The following SEM1 variants were observed in gnomAD, a reference collection of about 807,000 sequenced individuals.
The protein encoded by SEM1 is 26S proteasome complex subunit SEM1.
A neutral mutation model predicts 12.7 loss-of-function variants in SEM1; 3 were observed. The ratio of observed to expected loss-of-function variants is 0.24; its 90% CI spans 0.11 to 0.61. SEM1 has a LOEUF of 0.61. Ranked by LOEUF, SEM1 falls within the 20% of genes least tolerant of loss-of-function variation. The probability of loss-of-function intolerance (pLI) is 0.88; values close to 1 mark genes in which losing one functional copy is unlikely to be tolerated. For missense variants in SEM1, 59 were observed against 81.3 expected (o/e 0.73, Z 1.06); for synonymous variants, 30 against 27.8 (o/e 1.08, Z -0.25).
chr7:96,656,974 T>C (rs1398305231), intron 2 of SEM1, among the ~76,000 whole-genome samples: 1 of 152,086 alleles, frequency 6.6e-6, no homozygotes, highest in Non-Finnish European at 1.5e-5. Context: ...AAATGTGCAG[T>C]CTATAGTATA....
chr7:96,516,982 A>C (rs998855250), intron 2 of SEM1, among the ~76,000 whole-genome samples: 1 of 152,192 alleles, frequency 6.6e-6, no homozygotes, highest in Non-Finnish European at 1.5e-5. Context: ...AAAAGCCTAC[A>C]TACTGTATGA....
At chr7:96,673,986 C>A in intron 2 of SEM1, 1 of 630,128 alleles carries the variant, frequency 1.6e-6, no homozygotes. Context: ...CAGTCCCATC[C>A]CCATCTCTAC....
chr7:96,507,084 G>A (rs1423047406), intron 2 of SEM1, among the ~76,000 whole-genome samples: 1 of 151,918 alleles, frequency 6.6e-6, no homozygotes, highest in Non-Finnish European at 1.5e-5. Flanking sequence ...AAAGACAACA[G>A]AAAAAGTATG....
At chr7:96,678,091 C>A (rs1405584427) in intron 2 of SEM1, among the ~76,000 whole-genome samples, 1 of 152,090 alleles carries the variant, frequency 6.6e-6, no homozygotes, top group Non-Finnish European at 1.5e-5. Flanking sequence ...TGTTCTCATC[C>A]TTTCTTTATG....
At chr7:96,557,922 G>T (rs1289960216) in intron 2 of SEM1, among the ~76,000 whole-genome samples, 1 of 152,186 alleles carries the variant, frequency 6.6e-6, no homozygotes, top group Non-Finnish European at 1.5e-5. Flanking sequence ...CGTTGGAAAA[G>T]GGCAGTATTC....
intron 2 of SEM1, among the ~76,000 whole-genome samples, chr7:96,556,551 G>A (rs1019960737): frequency 1.8e-4 from 28 of 152,048 alleles, no homozygotes; most frequent in Admixed American, 5.2e-4. Context: ...GGTTTCTGCC[G>A]AGAAATCCGC....
intron 2 of SEM1, among the ~76,000 whole-genome samples, chr7:96,592,591 C>T (rs1017206686): frequency 2.0e-5 from 3 of 151,514 alleles, no homozygotes; most frequent in African/African-American, 4.9e-5. Context: ...TGCTGTCTTC[C>T]GTTGGAGAAC....
intron 2 of SEM1, among the ~76,000 whole-genome samples, chr7:96,627,764 G>A (rs568830549): frequency 3.3e-5 from 5 of 152,160 alleles, no homozygotes; most frequent in East Asian, 1.9e-4. Flanking sequence ...TGAAATGTTC[G>A]TAAATATCTA....
At chr7:96,647,243 A>G (rs1405664321) in intron 2 of SEM1, among the ~76,000 whole-genome samples, 1 of 152,188 alleles carries the variant, frequency 6.6e-6, no homozygotes, top group African/African-American at 2.4e-5. Context: ...TACAGGACTC[A>G]GGGTCTGGAG....
At chr7:96,506,145 T>A (rs1303597925) in intron 3 of SEM1, among the ~76,000 whole-genome samples, 1 of 152,078 alleles carries the variant, frequency 6.6e-6, no homozygotes, top group Non-Finnish European at 1.5e-5. Context: ...ACCATAGAAG[T>A]CTTTTGATAG....
At chr7:96,539,656 G>A (rs759592165) in intron 2 of SEM1, among the ~76,000 whole-genome samples, 2 of 151,618 alleles carry the variant, frequency 1.3e-5, no homozygotes, top group Non-Finnish European at 2.9e-5. Flanking sequence ...TTAAAATAAT[G>A]TGTTGAAAAG....
rs149069106 is a variant in SEM1 at position 96,484,559 on chromosome 7, A to T, written c.257+266T>A. Among the ~76,000 whole-genome samples, 410 of 152,308 alleles carry T rather than the reference A, an allele frequency of 2.7e-3. 2 individuals carry two copies. Among genetic ancestry groups the T allele is most frequent in the African/African-American group, 9.6e-3 (401 of 41,568 alleles). ...GGATTTGAATTATCTGTGTGTGTATAAACCTTGTTGATTCAGACTCCACTG... is the reference window on the plus strand; with the variant it reads ...GGATTTGAATTATCTGTGTGTGTATTAACCTTGTTGATTCAGACTCCACTG... On this transcript the variant is annotated intron_variant, in intron 3 of 3. Transcript: ENST00000356686.
At chr7:96,524,404 G>A (rs542688240) in intron 2 of SEM1, among the ~76,000 whole-genome samples, 1 of 152,160 alleles carries the variant, frequency 6.6e-6, no homozygotes, top group South Asian at 2.1e-4. Flanking sequence ...TAAAATTGTA[G>A]CTAGTAAGAC....
intron 1 of SEM1, among the ~76,000 whole-genome samples, chr7:96,702,856 G>C (rs1190893160): frequency 1.3e-5 from 2 of 152,170 alleles, no homozygotes; most frequent in Non-Finnish European, 2.9e-5. Flanking sequence ...CTACAATGTA[G>C]AACTTCTATC....
chr7:96,524,312 T>C (rs538052944), intron 2 of SEM1, among the ~76,000 whole-genome samples: 20 of 152,156 alleles, frequency 1.3e-4, no homozygotes, highest in Non-Finnish European at 1.9e-4. Context: ...AGCTGCTCAA[T>C]AGAACTCCTG....
intron 2 of SEM1, among the ~76,000 whole-genome samples, chr7:96,586,754 A>T (rs1806650525): frequency 6.6e-6 from 1 of 152,170 alleles, no homozygotes; most frequent in African/African-American, 2.4e-5. Flanking sequence ...ATCTCATCTG[A>T]TACCTCCCAA....
At chr7:96,656,876 T>TATACACACACAC (rs891240099) in intron 2 of SEM1, among the ~76,000 whole-genome samples, 1 of 139,834 alleles carries the variant, frequency 7.2e-6, no homozygotes, top group African/African-American at 2.8e-5. Context: ...TATATATATA[T>TATACACACACAC]ACACACACAC....
At chr7:96,612,659 G>A (rs904265040) in intron 2 of SEM1, among the ~76,000 whole-genome samples, 11 of 152,040 alleles carry the variant, frequency 7.2e-5, no homozygotes, top group African/African-American at 2.4e-4. Context: ...ACAGAGTCTC[G>A]CTCTGTTGCC....
intron 1 of SEM1, among the ~76,000 whole-genome samples, chr7:96,705,178 C>T (rs1329435079): frequency 2.0e-5 from 3 of 152,124 alleles, no homozygotes; most frequent in African/African-American, 7.2e-5. Flanking sequence ...AGAAATTTCT[C>T]CAGGGGCCAG....
Sources: allele counts gnomAD v4.1 joint callset (sites outside exome capture counted in the v4.1 genomes callset), GRCh38; gene constraint gnomAD v4.1.1; transcripts MANE v1.5; gene names NCBI Gene and HGNC (gene_info 2026-07-23, HGNC 2026-07-21).